TENM3: variants seen among roughly 807,000 people sequenced by gnomAD.
TENM3 encodes the protein teneurin-3.
A neutral mutation model predicts 255.1 loss-of-function variants in TENM3; 63 were observed. The ratio of observed to expected loss-of-function variants is 0.25; its 90% CI spans 0.20 to 0.30. The LOEUF is 0.30. Ranked by LOEUF, TENM3 falls within the 10% of genes least tolerant of loss-of-function variation. TENM3 has a pLI of 1.00. For missense variants in TENM3, 2,929 were observed against 3,461.1 expected (o/e 0.85, Z 3.86); for synonymous variants, 1,306 against 1,322.3 (o/e 0.99, Z 0.27).
chr4:181,732,760 T>C, the TENM3 span, among the ~76,000 whole-genome samples: 1 of 151,906 alleles, frequency 6.6e-6, no homozygotes. Flanking sequence ...AGCTTGCGTT[T>C]TGAGGTGGGA....
chr4:181,856,692 C>G, the TENM3 span, among the ~76,000 whole-genome samples: 37 of 152,284 alleles, frequency 2.4e-4, no homozygotes, highest in Non-Finnish European at 4.3e-4. Context: ...TGGTCCCAGT[C>G]CTGTGTGATT....
At chr4:181,621,902 A>C in the TENM3 span, among the ~76,000 whole-genome samples, 4 of 152,182 alleles carry the variant, frequency 2.6e-5, no homozygotes, top group Non-Finnish European at 5.9e-5. Flanking sequence ...ATGAGAATGA[A>C]AGGCGAGTAT....
chr4:181,649,500 G>A, the TENM3 span, among the ~76,000 whole-genome samples: 1 of 152,158 alleles, frequency 6.6e-6, no homozygotes, highest in African/African-American at 2.4e-5. Flanking sequence ...AATTTGTATC[G>A]ATATTTGTAG....
chr4:182,691,273 A>G (rs1756988819), intron 12 of TENM3, among the ~76,000 whole-genome samples: 1 of 152,234 alleles, frequency 6.6e-6, no homozygotes, highest in Non-Finnish European at 1.5e-5. Context: ...AGAAGCTGCC[A>G]CTTGGTGAAA....
the TENM3 span, among the ~76,000 whole-genome samples, chr4:181,783,485 T>C: frequency 6.6e-6 from 1 of 152,174 alleles, no homozygotes; most frequent in Non-Finnish European, 1.5e-5. Context: ...TCCCCAAATG[T>C]TCACATTATT....
intron 1 of TENM3, among the ~76,000 whole-genome samples, chr4:182,294,474 G>T (rs1208663560): frequency 6.6e-6 from 1 of 151,848 alleles, no homozygotes; most frequent in East Asian, 1.9e-4. Context: ...TTGTGTTCCA[G>T]CCTGGAATTG....
chr4:182,069,061 T>A, the TENM3 span, among the ~76,000 whole-genome samples: 1 of 152,118 alleles, frequency 6.6e-6, no homozygotes, highest in African/African-American at 2.4e-5. Context: ...TCTCAGCTTG[T>A]GATTCAGTGC....
At chr4:181,648,062 CT>C in the TENM3 span, among the ~76,000 whole-genome samples, 7 of 152,236 alleles carry the variant, frequency 4.6e-5, no homozygotes, top group East Asian at 7.7e-4. Context: ...AAATTTCCCC[CT>C]GTAGTCCCGT....
Position 182,679,782 on chromosome 4 carries a change from C to T in TENM3, c.1443C>T (p.Gly481=), listed in dbSNP as rs1293691021. 11 of 1,613,918 alleles carry T rather than the reference C, an allele frequency of 6.8e-6. No homozygotes were observed. The highest frequency in any genetic ancestry group is 9.3e-6 in the Non-Finnish European group (11 of 1,179,894). ...QARSVSLHEA[G]FIQYLDSGIW... is the part of the protein sequence containing the mutation. Reference sequence around the variant, plus strand: ...GATCCGTCAGCCTTCATGAGGCCGGCTTTATCCAGTACTTGGATTCTGGAA... The same window carrying T: ...GATCCGTCAGCCTTCATGAGGCCGGTTTTATCCAGTACTTGGATTCTGGAA... Residue 481 remains glycine (G), a synonymous_variant, in exon 8 of 28, where the codon GGC becomes GGT. Coordinates refer to ENST00000511685, the MANE Select transcript of TENM3 (RefSeq NM_001080477.4).
At chr4:181,631,334 G>C in the TENM3 span, among the ~76,000 whole-genome samples, 1 of 151,738 alleles carries the variant, frequency 6.6e-6, no homozygotes, top group Non-Finnish European at 1.5e-5. Flanking sequence ...TTGTTGCCCA[G>C]GCAGGAGTGC....
the TENM3 span, among the ~76,000 whole-genome samples, chr4:181,882,855 T>TA: frequency 6.6e-6 from 1 of 152,164 alleles, no homozygotes; most frequent in Non-Finnish European, 1.5e-5. Flanking sequence ...AGCATAGAAG[T>TA]AATGACTTAT....
chr4:182,487,256 G>A (rs1222801569), intron 3 of TENM3, among the ~76,000 whole-genome samples: 1 of 152,166 alleles, frequency 6.6e-6, no homozygotes, highest in Non-Finnish European at 1.5e-5. Flanking sequence ...AAAGTTACCT[G>A]TATGGAAAGC....
chr4:181,653,470 C>A, the TENM3 span, among the ~76,000 whole-genome samples: 1 of 152,048 alleles, frequency 6.6e-6, no homozygotes, highest in South Asian at 2.1e-4. Context: ...AGTGCAATGC[C>A]GCCATCTCGG....
At chr4:182,691,828 A>G (rs536594437) in intron 12 of TENM3, among the ~76,000 whole-genome samples, 1 of 152,358 alleles carries the variant, frequency 6.6e-6, no homozygotes, top group East Asian at 1.9e-4. Flanking sequence ...AAGAGAAGTT[A>G]CATGATTAAA....
At chr4:182,374,614 C>G (rs1164980661) in intron 3 of TENM3, among the ~76,000 whole-genome samples, 1 of 152,178 alleles carries the variant, frequency 6.6e-6, no homozygotes, top group Non-Finnish European at 1.5e-5. Context: ...TTCTTCCCTA[C>G]ATGATATCTT....
intron 3 of TENM3, among the ~76,000 whole-genome samples, chr4:182,355,243 C>T (rs542324592): frequency 6.6e-6 from 1 of 152,262 alleles, no homozygotes; most frequent in South Asian, 2.1e-4. Context: ...TGTGTAACTT[C>T]CCTGGGGATG....
intron 4 of TENM3, among the ~76,000 whole-genome samples, chr4:182,609,273 G>A (rs1215763551): frequency 6.6e-6 from 1 of 152,194 alleles, no homozygotes; most frequent in Non-Finnish European, 1.5e-5. Context: ...TTTTAAAACT[G>A]TGTTTTTCTC....
the TENM3 span, among the ~76,000 whole-genome samples, chr4:181,968,528 C>T: frequency 6.6e-6 from 1 of 151,960 alleles, no homozygotes; most frequent in Non-Finnish European, 1.5e-5. Flanking sequence ...TTGCTTCCAG[C>T]GTTTTCCTCT....
chr4:182,355,123 G>A, intron 3 of TENM3, among the ~76,000 whole-genome samples: 1 of 152,176 alleles, frequency 6.6e-6, no homozygotes, highest in East Asian at 1.9e-4. Context: ...AACAGAGACT[G>A]GGGGCAGGAG....
Sources: gnomAD v4.1 joint callset for allele counts (sites outside exome capture counted in the v4.1 genomes callset) on GRCh38, gnomAD v4.1.1 for gene constraint, MANE v1.5 for transcripts, NCBI Gene and HGNC (gene_info 2026-07-23, HGNC 2026-07-21) for gene names.